GPLD1: variants seen among roughly 807,000 people sequenced by gnomAD.
GPLD1 encodes phosphatidylinositol-glycan-specific phospholipase D.
Under a neutral mutation model 112.6 loss-of-function variants are expected in GPLD1, and 84 were observed. The ratio of observed to expected loss-of-function variants is 0.75; its 90% CI spans 0.63 to 0.89. The LOEUF (loss-of-function observed/expected upper bound fraction) is 0.89. Among genes scored for constraint, GPLD1 ranks in the 40% least tolerant of loss-of-function variants. The pLI is 0.00. For synonymous variants in GPLD1, 386 were observed against 403.8 expected, an observed-to-expected ratio of 0.96 and a Z score of 0.53; for missense variants, 1,044 against 1,051.5, an observed-to-expected ratio of 0.99 and a Z score of 0.10.
chr6:24,468,078 A>T (rs1216515871), intron 7 of GPLD1, among the ~76,000 whole-genome samples: 1 of 151,762 alleles, frequency 6.6e-6, no homozygotes, highest in Non-Finnish European at 1.5e-5. Context: ...GGCTAATTTT[A>T]TATTTTTGGT....
In GPLD1 at chr6:24,475,198, T is replaced by C. The variant is rs1446531087; in HGVS notation, c.364A>G (p.Ile122Val). ...ACATCTGCCGCCATGTGAGAAGTAA[T>C]TCCAAACAAGAAAGCTACCAGTTTC... The part of the protein sequence containing the change: ...TEKLVAFLFG[I>V]TSHMAADVSW... Residue 122 changes from isoleucine (I) to valine (V), a missense_variant, in exon 5 of 25, where the codon ATT (isoleucine) becomes GTT (valine). Transcript: ENST00000230036. 1 of 1,611,918 alleles carries C rather than the reference T, an allele frequency of 6.2e-7. No individual in the cohort carries two copies. The highest frequency in any genetic ancestry group is 1.1e-5 in the South Asian group (1 of 91,030).
At chr6:24,465,234 G>GAA (rs1252176495) in intron 10 of GPLD1, among the ~76,000 whole-genome samples, 1 of 134,926 alleles carries the variant, frequency 7.4e-6, no homozygotes, top group African/African-American at 2.8e-5. Context: ...GAAAAGAAAA[G>GAA]AAAAAAAAAG....
intron 7 of GPLD1, among the ~76,000 whole-genome samples, chr6:24,467,937 G>A (rs1052459041): frequency 1.3e-5 from 2 of 151,502 alleles, no homozygotes; most frequent in Non-Finnish European, 2.9e-5. Context: ...ATGGAGCTTC[G>A]CTCTTGTTGC....
chr6:24,433,211 G>C lies in GPLD1; in HGVS notation c.2412C>G (p.Leu804=), dbSNP rs1139480. 4.3e-6 allele frequency: 7 copies of C among 1,613,146 alleles called. No homozygotes were observed. The change falls in exon 24 of 25, where the codon CTC becomes CTG. Residue 804 remains leucine, a synonymous_variant. Transcript: ENST00000230036. ...CCTTTGCCTTGGACCTCACGGTGAT[G>C]AGGGAGCTCCCAAACCTTGAGCTGG... The part of the protein sequence containing the change: ...PEASSRFGSS[L]ITVRSKAKNQ...
intron 3 of GPLD1, among the ~76,000 whole-genome samples, chr6:24,477,760 GGT>G (rs959725045): frequency 1.5e-4 from 23 of 148,456 alleles, no homozygotes; most frequent in Admixed American, 1.4e-3. Flanking sequence ...TTAAAAAAAA[GGT>G]GTTTTTTCTT....
At chr6:24,489,229 G>A (rs544825058) in intron 1 of GPLD1, among the ~76,000 whole-genome samples, 186 bp downstream of exon 1, 1 of 152,198 alleles carries the variant, frequency 6.6e-6, no homozygotes, top group South Asian at 2.1e-4. Flanking sequence ...CTTAACTGAA[G>A]TCATGCTGCC....
intron 17 of GPLD1, 134 bp downstream of exon 17, chr6:24,447,743 A>T: frequency 1.2e-6 from 1 of 823,410 alleles, no homozygotes; most frequent in Non-Finnish European, 1.9e-6. Context: ...CACATCTTTA[A>T]GAGTAACAGA....
chr6:24,437,042 A>T, intron 21 of GPLD1, 71 bp downstream of exon 21: 1 of 1,352,936 alleles, frequency 7.4e-7, no homozygotes, highest in Non-Finnish European at 1.0e-6. Flanking sequence ...AGCCCAGATG[A>T]CCCAATTAGG....
upstream of GPLD1, among the ~76,000 whole-genome samples, chr6:24,494,156 T>C (rs983270699): frequency 2.0e-5 from 3 of 152,254 alleles, no homozygotes; most frequent in Non-Finnish European, 4.4e-5. Context: ...TTAATCTTAC[T>C]AGTGGCTTGA....
At chr6:24,458,333 C>T (rs1392898039) in intron 12 of GPLD1, among the ~76,000 whole-genome samples, 1 of 152,092 alleles carries the variant, frequency 6.6e-6, no homozygotes, top group African/African-American at 2.4e-5. Context: ...TTGCTTCATC[C>T]TAAAGCCTAG....
chr6:24,431,095 G>A (rs971660441), intron 24 of GPLD1, among the ~76,000 whole-genome samples: 13 of 151,996 alleles, frequency 8.6e-5, no homozygotes, highest in African/African-American at 3.1e-4. Flanking sequence ...CAGACCTTCC[G>A]AGAATCTTCC....
chr6:24,437,364 C>T, intron 20 of GPLD1, 75 bp from the exon 21 acceptor site: 5 of 1,337,182 alleles, frequency 3.7e-6, no homozygotes, highest in Non-Finnish European at 5.2e-6. Flanking sequence ...ACCCCATCCT[C>T]AAGTGACACT....
At chr6:24,479,323 TTAC>T (rs1433519259) in intron 3 of GPLD1, among the ~76,000 whole-genome samples, 5 of 152,260 alleles carry the variant, frequency 3.3e-5, no homozygotes, top group Non-Finnish European at 1.5e-5. Context: ...CCTCTCAGGT[TTAC>T]TTCTCCAAAA....
At position 24,467,229 on chromosome 6, in the gene GPLD1, A is replaced by G; in HGVS notation, c.591T>C (p.Tyr197=). The part of the protein sequence containing the change: ...KDLLGIYEKL[Y]GRKVITENVI... ...CATTTTCGGTGATGACTTTTCGACC[A>G]TACAGTTTCTCATAAATTCCCAGTA... is the stretch of plus-strand genomic sequence containing the variant. The change falls in exon 8 of 25, where the codon TAT becomes TAC. Residue 197 remains tyrosine, a synonymous_variant. Transcript: ENST00000230036. 1 of 1,607,950 alleles carries G rather than the reference A, an allele frequency of 6.2e-7. No individual in the cohort carries two copies. Among genetic ancestry groups the G allele is most frequent in the Non-Finnish European group, 8.5e-7 (1 of 1,174,364 alleles).
intron 21 of GPLD1, 76 bp downstream of exon 21, chr6:24,437,037 A>T: frequency 7.6e-7 from 1 of 1,315,216 alleles, no homozygotes; most frequent in Non-Finnish European, 1.1e-6. Flanking sequence ...GGCAGAGCCC[A>T]GATGACCCAA....
At chr6:24,460,493 T>TA (rs1763400389) in intron 11 of GPLD1, 94 bp from the exon 12 acceptor site, 1 of 1,315,228 alleles carries the variant, frequency 7.6e-7, no homozygotes, top group African/African-American at 1.5e-5. Flanking sequence ...AATCACAGGT[T>TA]AAAAGACCAC....
chr6:24,445,942 G>T, intron 18 of GPLD1, 111 bp from the exon 19 acceptor site: 2 of 759,698 alleles, frequency 2.6e-6, no homozygotes, highest in Non-Finnish European at 2.3e-6. Context: ...CCTCCCAGCA[G>T]GCTCTGTCTC....
upstream of GPLD1, chr6:24,495,251 C>G (rs1307947596): frequency 9.2e-6 from 14 of 1,526,736 alleles, no homozygotes; most frequent in Non-Finnish European, 1.2e-5. Context: ...CCAGCGGCGC[C>G]GCTCTGGGCA....
chr6:24,490,183 T>C (rs994863716), upstream of GPLD1, among the ~76,000 whole-genome samples: 1 of 152,226 alleles, frequency 6.6e-6, no homozygotes, highest in Middle Eastern at 3.4e-3. Context: ...TTCCTGCAGC[T>C]GAAGCAAAGA....
Sources: gnomAD v4.1 joint callset for allele counts (sites outside exome capture counted in the v4.1 genomes callset) on GRCh38, gnomAD v4.1.1 for gene constraint, MANE v1.5 for transcripts, NCBI Gene and HGNC (gene_info 2026-07-23, HGNC 2026-07-21) for gene names.